The following SHROOM4 variants were observed in gnomAD, a reference collection of about 807,000 sequenced individuals.
SHROOM4 encodes the protein shroom family member 4.
SHROOM4 carries 17 observed loss-of-function variants against 80.3 expected under a neutral mutation model. The ratio of observed to expected loss-of-function variants is 0.21; its 90% CI spans 0.14 to 0.32. The LOEUF (loss-of-function observed/expected upper bound fraction) is 0.32, where lower values mean the gene tolerates loss of function less well. Ranked by LOEUF, SHROOM4 falls within the 10% of genes least tolerant of loss-of-function variation. The pLI is 1.00. For synonymous variants in SHROOM4, 400 were observed against 437.5 expected (o/e 0.91, Z 1.07); for missense variants, 993 against 1,140.3 (o/e 0.87, Z 1.86).
rs782230153 is a variant in SHROOM4, at chrX:50,721,183, G to A, written c.118-25246C>T. 2.7e-5 allele frequency among the ~76,000 whole-genome samples: 3 copies of A among 111,980 alleles called. No individual in the cohort carries two copies. The East Asian group carries it at 8.5e-4, about 32-fold the overall frequency. ...CCTAGCTCAGAAACTACTGACTCCA[G>A]AACAGTTGTTACCAGAAAGGGGTCT... On this transcript the variant is annotated intron_variant, in intron 1 of 8. Coordinates refer to ENST00000376020, the MANE Select transcript of SHROOM4 (RefSeq NM_020717.5).
In SHROOM4 at chrX:50,634,597, T is replaced by G. The variant is rs782200306; in HGVS notation, c.1476A>C (p.Gln492His). The G allele has an allele frequency of 1.1e-5, 13 of 1,209,948 alleles. No individual in the cohort carries two copies. The African/African-American group carries it at 2.3e-4, about 21-fold the overall frequency. Reference protein sequence around the residue: ...DRSLVLGHQSQSSPPHGEADG... With the variant: ...DRSLVLGHQSHSSPPHGEADG... The stretch of plus-strand genomic sequence containing the variant: ...CAGCCTCTCCATGTGGGGGACTGCT[T>G]TGGCTCTGGTGTCCCAAAACTAAAG... The change falls in exon 4 of 9, where the codon CAA (glutamine) becomes CAC (histidine). Residue 492 changes from glutamine (Q) to histidine (H), a missense_variant. Physicochemically the swap from Gln to His is conservative, Grantham distance 24. Transcript: ENST00000376020.
chrX:50,707,926 C>A (rs1443159800), intron 1 of SHROOM4, among the ~76,000 whole-genome samples: 1 of 111,621 alleles, frequency 9.0e-6, no homozygotes, highest in East Asian at 2.8e-4. Context: ...TTCACCCTAA[C>A]ATGGGCCCTG....
In SHROOM4 at chrX:50,795,164, TATG is replaced by T. The variant is rs201536235; in HGVS notation, c.117+18735_117+18737del. On this transcript the variant is annotated intron_variant, in intron 1 of 8. Transcript: ENST00000376020. Reference sequence around the variant, plus strand: ...TATATATGATATATATATATATATATATGATATATATATATATAAAACCATGGA... The same window carrying T: ...TATATATGATATATATATATATATATATATATATATATATAAAACCATGGA... Among the ~76,000 whole-genome samples the T allele has an allele frequency of 6.1e-4, 29 of 47,335 alleles. 2 individuals carry two copies. Among genetic ancestry groups the T allele is most frequent in the African/African-American group, 2.1e-3 (29 of 14,025 alleles). 41.1% of individuals were successfully genotyped at this position (47,335 alleles called of 115,157 possible).
At chrX:50,797,253 C>G (rs971548066) in intron 1 of SHROOM4, among the ~76,000 whole-genome samples, 1 of 110,905 alleles carries the variant, frequency 9.0e-6, no homozygotes, top group Admixed American at 9.6e-5. Context: ...TGGAGAAGGT[C>G]GAGTCTGAAT....
At chrX:50,609,378 TAA>T (rs1929845437) in intron 5 of SHROOM4, among the ~76,000 whole-genome samples, 2 of 111,454 alleles carry the variant, frequency 1.8e-5, no homozygotes, top group Admixed American at 1.9e-4. Context: ...GATATAATAT[TAA>T]AGAGTATTCT....
At chrX:50,576,797 TATC>T in the SHROOM4 span, among the ~76,000 whole-genome samples, 1 of 111,879 alleles carries the variant, frequency 8.9e-6, no homozygotes, top group East Asian at 2.8e-4. Context: ...ATAAATAACT[TATC>T]AATGTCTACA....
intron 2 of SHROOM4, among the ~76,000 whole-genome samples, chrX:50,691,679 C>T (rs1933225420): frequency 9.0e-6 from 1 of 111,551 alleles, no homozygotes; most frequent in African/African-American, 3.3e-5. Flanking sequence ...ATATTCATCC[C>T]AAAAGGACTC....
At chrX:50,771,003 A>G (rs782421865) in intron 1 of SHROOM4, among the ~76,000 whole-genome samples, 1 of 111,907 alleles carries the variant, frequency 8.9e-6, no homozygotes, top group South Asian at 3.8e-4. Flanking sequence ...TCTGGCTGCT[A>G]GAAAAACAGG....
chrX:50,658,346 C>A lies in SHROOM4; in HGVS notation c.270-20038G>T, dbSNP rs189424709. ...TCTGGACTCCCTCCTCTTATTTACC[C>A]CTCAAATCTGTCTAATCAGGCACCA... On this transcript the variant is annotated intron_variant, in intron 2 of 8. Transcript: ENST00000376020. Among the ~76,000 whole-genome samples the A allele has an allele frequency of 2.0e-4, 22 of 111,019 alleles. No individual in the cohort carries two copies. The East Asian group carries it at 5.7e-3, about 29-fold the overall frequency.
At chrX:50,735,558 A>T (rs782203360) in intron 1 of SHROOM4, among the ~76,000 whole-genome samples, 34 of 111,549 alleles carry the variant, frequency 3.0e-4, no homozygotes, top group Non-Finnish European at 5.1e-4. Context: ...TTATTTTAAA[A>T]CCATATATCT....
chrX:50,726,387 T>G lies in SHROOM4; in HGVS notation c.118-30450A>C, dbSNP rs140507013. Among the ~76,000 whole-genome samples the G allele has an allele frequency of 4.2e-3, 470 of 112,287 alleles. 2 individuals are homozygous for G. Among genetic ancestry groups the G allele is most frequent in the Non-Finnish European group, 5.8e-3 (310 of 53,202 alleles). On this transcript the variant is annotated intron_variant, in intron 1 of 8. Transcript: ENST00000376020. ...TTCAAGCCTGCTATAGAAATTTGCA[T>G]AAGTAACGAGGAGCCAAATGCTAAT...
intron 1 of SHROOM4, among the ~76,000 whole-genome samples, chrX:50,798,436 G>C (rs1347720987): frequency 8.9e-6 from 1 of 111,802 alleles, no homozygotes; most frequent in African/African-American, 3.3e-5. Context: ...TGAAACCCAC[G>C]TTTTCCAATG....
At chrX:50,774,182 A>G (rs1935456953) in intron 1 of SHROOM4, among the ~76,000 whole-genome samples, 1 of 111,134 alleles carries the variant, frequency 9.0e-6, no homozygotes, top group African/African-American at 3.3e-5. Flanking sequence ...ACATTTTTGG[A>G]GTTGATAAAG....
At chrX:50,807,397 T>C in intron 1 of SHROOM4, among the ~76,000 whole-genome samples, 1 of 111,612 alleles carries the variant, frequency 9.0e-6, no homozygotes, top group Non-Finnish European at 1.9e-5. Context: ...TATCTGACAG[T>C]GGATAGGGAC....
At chrX:50,614,508 C>T (rs1475269859) in intron 5 of SHROOM4, among the ~76,000 whole-genome samples, 2 of 112,264 alleles carry the variant, frequency 1.8e-5, no homozygotes, top group Non-Finnish European at 3.8e-5. Flanking sequence ...AGGTGTTCGA[C>T]CTCACTTAAA....
At chrX:50,585,928 C>T (rs186828384), downstream of SHROOM4, among the ~76,000 whole-genome samples, 283 of 111,149 alleles carry the variant, frequency 2.5e-3, 2 homozygotes, top group African/African-American at 8.9e-3. Flanking sequence ...AACAAAATAT[C>T]TACCAGCCTG....
At chrX:50,637,993 G>C (rs782422188) in intron 3 of SHROOM4, among the ~76,000 whole-genome samples, 181 bp downstream of exon 3, 1 of 112,192 alleles carries the variant, frequency 8.9e-6, no homozygotes, top group Admixed American at 9.4e-5. Flanking sequence ...AAAGGGACTA[G>C]CCCAAAATCA....
Position 50,587,604 on chromosome X carries a change from C to T in SHROOM4, c.*9091G>A, listed in dbSNP as rs782781216. On this transcript the variant is annotated 3_prime_UTR_variant, in exon 9 of 9. Transcript: ENST00000376020. ...GTAAAAAGTGATTGTGTGTATATTT[C>T]TGTATATAAAGTATTATGTAATTGT... is the stretch of plus-strand genomic sequence containing the variant. Among the ~76,000 whole-genome samples, 1 of 112,183 alleles carries T rather than the reference C, an allele frequency of 8.9e-6. No homozygotes were observed. Among genetic ancestry groups the T allele is most frequent in the Admixed American group, 9.4e-5 (1 of 10,638 alleles).
intron 2 of SHROOM4, among the ~76,000 whole-genome samples, chrX:50,655,192 G>A (rs1193030540): frequency 1.8e-5 from 2 of 109,539 alleles, no homozygotes; most frequent in Non-Finnish European, 3.8e-5. Flanking sequence ...ATTCACCATT[G>A]ATGGGCACCT....
Sources: gnomAD v4.1 joint callset for allele counts (sites outside exome capture counted in the v4.1 genomes callset) on GRCh38, gnomAD v4.1.1 for gene constraint, MANE v1.5 for transcripts, NCBI Gene and HGNC (gene_info 2026-07-23, HGNC 2026-07-21) for gene names.